The following POC1B variants were observed in gnomAD, a reference collection of about 807,000 sequenced individuals.
The protein encoded by POC1B is POC1 centriolar protein B, also known as POC1 centriolar protein homolog B.
Under a neutral mutation model 60.6 loss-of-function variants are expected in POC1B, and 44 were observed. The observed-to-expected ratio is 0.73, with a 90% CI of 0.57 to 0.93. The LOEUF (loss-of-function observed/expected upper bound fraction) is 0.93, where lower values mean the gene tolerates loss of function less well. POC1B is among the 40% of genes least tolerant of loss of function. POC1B has a pLI of 0.00. For missense variants in POC1B, 555 were observed against 572.3 expected (o/e 0.97, Z 0.31); for synonymous variants, 180 against 198.9 (o/e 0.90, Z 0.80).
intron 4 of POC1B, among the ~76,000 whole-genome samples, chr12:89,486,511 A>G (rs996432885): frequency 6.6e-6 from 1 of 152,164 alleles, no homozygotes; most frequent in Non-Finnish European, 1.5e-5. Context: ...TGACAGAAGA[A>G]AGACAGAAAG....
intron 10 of POC1B, among the ~76,000 whole-genome samples, chr12:89,435,080 T>C (rs570924939): frequency 9.9e-5 from 15 of 152,054 alleles, no homozygotes; most frequent in African/African-American, 3.4e-4. Context: ...CAATTAGATC[T>C]ATGAAATTAA....
chr12:89,437,915 G>C (rs1211425137), intron 10 of POC1B, among the ~76,000 whole-genome samples: 1 of 151,782 alleles, frequency 6.6e-6, no homozygotes, highest in African/African-American at 2.4e-5. Context: ...GGGAGTGTTG[G>C]TGTGGCCTGC....
intron 3 of POC1B, 146 bp downstream of exon 3, chr12:89,497,025 T>C: frequency 2.6e-6 from 2 of 775,152 alleles, no homozygotes; most frequent in Non-Finnish European, 4.0e-6. Flanking sequence ...TTGTATGAAT[T>C]AGTTTGACTT....
intron 10 of POC1B, among the ~76,000 whole-genome samples, chr12:89,455,626 T>A (rs1882222293): frequency 6.6e-6 from 1 of 152,246 alleles, no homozygotes; most frequent in Non-Finnish European, 1.5e-5. Flanking sequence ...TCAACTATTT[T>A]GATTGATAGA....
At chr12:89,462,545 A>G (rs1882519621) in intron 9 of POC1B, among the ~76,000 whole-genome samples, 1 of 152,206 alleles carries the variant, frequency 6.6e-6, no homozygotes, top group South Asian at 2.1e-4. Context: ...CTAGACTACA[A>G]GCTTCTAAAG....
At chr12:89,502,394 C>A in intron 2 of POC1B, 1 of 1,553,630 alleles carries the variant, frequency 6.4e-7, no homozygotes, top group South Asian at 1.1e-5. Flanking sequence ...CAAGGAAGGC[C>A]ATCAGGAGGA....
intron 4 of POC1B, among the ~76,000 whole-genome samples, chr12:89,477,392 A>C (rs1592613718): frequency 6.6e-6 from 1 of 152,230 alleles, no homozygotes; most frequent in Middle Eastern, 3.4e-3. Context: ...TTTACCATCT[A>C]TGTGCCCAGA....
At chr12:89,491,366 G>A (rs1868959635) in intron 4 of POC1B, among the ~76,000 whole-genome samples, 1 of 152,044 alleles carries the variant, frequency 6.6e-6, no homozygotes, top group Admixed American at 6.6e-5. Context: ...AAAGTGCTGG[G>A]AAAATCCAGC....
rs1880506945 is a variant in POC1B at position 89,421,006 on chromosome 12, T to C, written c.*147A>G. On this transcript the variant is annotated 3_prime_UTR_variant, in exon 12 of 12. Coordinates refer to ENST00000313546, the MANE Select transcript of POC1B (RefSeq NM_172240.3). The stretch of plus-strand genomic sequence containing the variant: ...TCCTTAGGTATGCCTTTTCTGCCTT[T>C]TGTTCTGTTGCTCACCCTTTTAAGA... The C allele has an allele frequency of 1.8e-6, 1 of 550,750 alleles. No individual in the cohort carries two copies. The highest frequency in any genetic ancestry group is 1.8e-5 in the African/African-American group (1 of 54,286). The allele number at this position is 550,750 out of a possible 1,614,324, so 34.1% of individuals were successfully genotyped here.
chr12:89,519,975 A>G (rs2135771171), intron 2 of POC1B: 1 of 152,362 alleles, frequency 6.6e-6, no homozygotes, highest in East Asian at 1.9e-4. Context: ...AATTGTCTAT[A>G]GCCAAAGAGA....
intron 2 of POC1B, 71 bp downstream of exon 2, chr12:89,525,049 G>C: frequency 6.3e-7 from 1 of 1,597,518 alleles, no homozygotes; most frequent in East Asian, 2.3e-5. Flanking sequence ...GACCCTGCCC[G>C]GACAGGAGGA....
the POC1B span, among the ~76,000 whole-genome samples, chr12:89,403,611 C>T: frequency 5.3e-5 from 8 of 152,114 alleles, no homozygotes; most frequent in Middle Eastern, 3.2e-3. Context: ...ATTACTTCTA[C>T]ATGTCCCATT....
chr12:89,488,487 T>A (rs1198938791), intron 4 of POC1B, among the ~76,000 whole-genome samples: 1 of 152,078 alleles, frequency 6.6e-6, no homozygotes, highest in Non-Finnish European at 1.5e-5. Context: ...ATTATTATTA[T>A]TGTTATTATT....
intron 2 of POC1B, among the ~76,000 whole-genome samples, chr12:89,510,540 T>G (rs1870129212): frequency 1.3e-5 from 2 of 152,164 alleles, no homozygotes. Context: ...GCAGGAAAAG[T>G]GCTCCCAGGA....
At chr12:89,476,665 C>T (rs1216340369) in intron 4 of POC1B, among the ~76,000 whole-genome samples, 1 of 151,482 alleles carries the variant, frequency 6.6e-6, no homozygotes, top group Non-Finnish European at 1.5e-5. Flanking sequence ...CACCACTGCA[C>T]TCCAGCCTGG....
intron 10 of POC1B, among the ~76,000 whole-genome samples, chr12:89,444,943 G>A (rs1394590352): frequency 6.6e-6 from 1 of 152,154 alleles, no homozygotes; most frequent in Non-Finnish European, 1.5e-5. Flanking sequence ...AAAATCACAA[G>A]CATTCCTATA....
intron 10 of POC1B, among the ~76,000 whole-genome samples, chr12:89,456,290 G>C (rs1882255487): frequency 6.6e-6 from 1 of 152,132 alleles, no homozygotes; most frequent in South Asian, 2.1e-4. Context: ...CAAAGTGCTA[G>C]GATTACAGGT....
chr12:89,503,536 C>T (rs1173023866), intron 2 of POC1B, among the ~76,000 whole-genome samples: 1 of 152,160 alleles, frequency 6.6e-6, no homozygotes, highest in Non-Finnish European at 1.5e-5. Context: ...CTGGCTGCCA[C>T]CCCGTCTGGG....
intron 10 of POC1B, among the ~76,000 whole-genome samples, chr12:89,430,023 T>C (rs1195372177): frequency 1.3e-5 from 2 of 152,190 alleles, no homozygotes; most frequent in African/African-American, 4.8e-5. Flanking sequence ...GGGGAAGTAC[T>C]TTATCAAAAA....
Sources: allele counts gnomAD v4.1 joint callset (sites outside exome capture counted in the v4.1 genomes callset), GRCh38; gene constraint gnomAD v4.1.1; transcripts MANE v1.5; gene names NCBI Gene and HGNC (gene_info 2026-07-23, HGNC 2026-07-21).